Variants in STXBP5L observed in about 807,000 individuals in gnomAD.
STXBP5L encodes syntaxin binding protein 5L, also known as syntaxin-binding protein 5-like.
In STXBP5L, 65 loss-of-function variants were observed where a neutral mutation model predicts 144.5. The ratio of observed to expected loss-of-function variants is 0.45; its 90% confidence interval spans 0.37 to 0.55. The LOEUF (loss-of-function observed/expected upper bound fraction) is 0.55. Among genes scored for constraint, STXBP5L ranks in the 20% least tolerant of loss-of-function variants. The pLI is 0.00. For missense variants in STXBP5L, 1,298 were observed against 1,405.5 expected, an observed-to-expected ratio of 0.92 and a Z score of 1.22; for synonymous variants, 505 against 469.6, an observed-to-expected ratio of 1.08 and a Z score of -0.97.
At chr3:121,021,270 A>G (rs1385484965) in intron 3 of STXBP5L, among the ~76,000 whole-genome samples, 2 of 152,298 alleles carry the variant, frequency 1.3e-5, no homozygotes, top group East Asian at 3.9e-4. Context: ...TTATAAAACA[A>G]TTACTACTAG....
At chr3:121,054,734 T>TATA (rs1366991870) in intron 5 of STXBP5L, among the ~76,000 whole-genome samples, 1 of 152,078 alleles carries the variant, frequency 6.6e-6, no homozygotes. Context: ...AAACTTAAAG[T>TATA]ATAATAATAA....
At chr3:120,953,094 C>A (rs549527001) in intron 2 of STXBP5L, among the ~76,000 whole-genome samples, 2 of 151,984 alleles carry the variant, frequency 1.3e-5, no homozygotes, top group Non-Finnish European at 2.9e-5. Flanking sequence ...GTCACTGCAC[C>A]CAGCCCATTT....
chr3:121,333,063 A>T (rs972743420), intron 20 of STXBP5L, among the ~76,000 whole-genome samples: 2 of 152,182 alleles, frequency 1.3e-5, no homozygotes, highest in Admixed American at 1.3e-4. Flanking sequence ...CACCAGCCCT[A>T]TAAAAAAAAT....
At chr3:121,004,544 C>T (rs1944095886) in intron 3 of STXBP5L, among the ~76,000 whole-genome samples, 1 of 151,818 alleles carries the variant, frequency 6.6e-6, no homozygotes, top group Admixed American at 6.6e-5. Flanking sequence ...CCCTTTATTT[C>T]CTTCTCCTGC....
intron 3 of STXBP5L, among the ~76,000 whole-genome samples, chr3:120,962,722 C>A (rs1265964345): frequency 6.6e-6 from 1 of 152,202 alleles, no homozygotes; most frequent in East Asian, 1.9e-4. Context: ...ATGGCTCCAG[C>A]TTTGTTCATT....
chr3:121,125,859 C>T (rs1358018093), intron 7 of STXBP5L, among the ~76,000 whole-genome samples: 3 of 152,164 alleles, frequency 2.0e-5, no homozygotes, highest in East Asian at 3.9e-4. Context: ...GGGGTGTTAA[C>T]CTCCCATGGA....
intron 3 of STXBP5L, among the ~76,000 whole-genome samples, chr3:121,028,627 A>G (rs1215740422): frequency 6.6e-6 from 1 of 152,106 alleles, no homozygotes; most frequent in Non-Finnish European, 1.5e-5. Flanking sequence ...CAAAAATAAG[A>G]TTATCATTTT....
chr3:121,153,552 TA>T (rs564584773), intron 8 of STXBP5L, among the ~76,000 whole-genome samples: 19 of 151,880 alleles, frequency 1.3e-4, no homozygotes, highest in African/African-American at 3.9e-4. Context: ...ATTGGAGGGA[TA>T]AAAAAAGTCT....
intron 3 of STXBP5L, among the ~76,000 whole-genome samples, chr3:120,956,075 A>G (rs562971363): frequency 1.0e-3 from 157 of 152,082 alleles, no homozygotes; most frequent in Non-Finnish European, 1.8e-3. Context: ...GTTTTTGGCT[A>G]TTCTTACTAA....
chr3:121,414,172 C>T (rs2047183064), intron 24 of STXBP5L, among the ~76,000 whole-genome samples: 1 of 151,878 alleles, frequency 6.6e-6, no homozygotes, highest in African/African-American at 2.4e-5. Flanking sequence ...TTTCTATATG[C>T]CTAATACTTG....
At chr3:121,332,126 A>G (rs1462613182) in intron 20 of STXBP5L, among the ~76,000 whole-genome samples, 2 of 151,990 alleles carry the variant, frequency 1.3e-5, no homozygotes, top group Non-Finnish European at 2.9e-5. Flanking sequence ...TCCAAAAATA[A>G]TTAAAAGAAA....
intron 9 of STXBP5L, among the ~76,000 whole-genome samples, chr3:121,187,832 A>G (rs990252211): frequency 6.6e-6 from 1 of 152,008 alleles, no homozygotes; most frequent in African/African-American, 2.4e-5. Context: ...GCTCAAAATA[A>G]AGGGATGGAG....
At chr3:121,041,005 A>T (rs1947110860) in intron 3 of STXBP5L, among the ~76,000 whole-genome samples, 2 of 152,050 alleles carry the variant, frequency 1.3e-5, no homozygotes, top group South Asian at 4.1e-4. Context: ...CATATATATC[A>T]GATCATTTGG....
intron 5 of STXBP5L, among the ~76,000 whole-genome samples, chr3:121,078,148 A>C (rs2042100129): frequency 6.6e-6 from 1 of 151,848 alleles, no homozygotes; most frequent in African/African-American, 2.4e-5. Context: ...CAGAGCATCA[A>C]TTGGTGCATT....
intron 3 of STXBP5L, among the ~76,000 whole-genome samples, chr3:120,977,125 G>C (rs375805650): frequency 1.3e-5 from 2 of 152,164 alleles, no homozygotes; most frequent in South Asian, 4.1e-4. Context: ...TCATTGATCT[G>C]TCTAATGTTG....
chr3:120,985,659 G>C (rs559096130), intron 3 of STXBP5L, among the ~76,000 whole-genome samples: 1 of 151,714 alleles, frequency 6.6e-6, no homozygotes, highest in Non-Finnish European at 1.5e-5. Context: ...TAGATTTTGT[G>C]TTTCTAGGAA....
At position 121,049,625 on chromosome 3, in the gene STXBP5L, C is replaced by T. The variant is rs542259754; in HGVS notation, c.470+4090C>T. 5.2e-5 allele frequency: 8 copies of T among 154,512 alleles called. No homozygotes were observed. In the East Asian group the frequency reaches 1.6e-3, roughly 30 times the overall value. The allele number at this position is 154,512 out of a possible 1,614,324, so 9.6% of individuals were successfully genotyped here. A position where few individuals can be genotyped will look rare whatever the true frequency, so the allele number is the denominator to read the frequency against. The stretch of plus-strand genomic sequence containing the variant: ...AGAATTCTGGTAGGGCTGTGGTGGT[C>T]TCACTAGTGTCCCAGGCCCATGGGT... On this transcript the variant is annotated intron_variant, in intron 5 of 26. Transcript: ENST00000471454.
intron 6 of STXBP5L, among the ~76,000 whole-genome samples, chr3:121,115,920 G>A (rs1222783024): frequency 6.6e-6 from 1 of 152,044 alleles, no homozygotes; most frequent in Non-Finnish European, 1.5e-5. Context: ...ACTTACTATG[G>A]CAAGAACTCA....
At chr3:120,994,079 C>G (rs935688310) in intron 3 of STXBP5L, among the ~76,000 whole-genome samples, 4 of 151,646 alleles carry the variant, frequency 2.6e-5, no homozygotes, top group Non-Finnish European at 4.4e-5. Flanking sequence ...GTCTCAATTT[C>G]TTTTTCAGCT....
Sources: allele counts gnomAD v4.1 joint callset (sites outside exome capture counted in the v4.1 genomes callset), GRCh38; gene constraint gnomAD v4.1.1; transcripts MANE v1.5; gene names NCBI Gene and HGNC (gene_info 2026-07-23, HGNC 2026-07-21).